RNPEP: variants seen among roughly 807,000 people sequenced by gnomAD.
The protein encoded by RNPEP is aminopeptidase B.
RNPEP carries 57 observed loss-of-function variants against 70.1 expected under a neutral mutation model. That is an observed-to-expected ratio of 0.81 (90% CI 0.66 to 1.01). RNPEP has a LOEUF of 1.01. RNPEP is among the 50% of genes least tolerant of loss of function. RNPEP has a pLI of 0.00. For missense variants in RNPEP, 787 were observed against 852.4 expected (o/e 0.92, Z 0.96); for synonymous variants, 335 against 357.4 (o/e 0.94, Z 0.71).
At chr1:201,993,413 G>A (rs1309076110) in intron 3 of RNPEP, among the ~76,000 whole-genome samples, 2 of 152,036 alleles carry the variant, frequency 1.3e-5, no homozygotes, top group African/African-American at 2.4e-5. Context: ...CCTGGCCAAC[G>A]TGGTGAAACC....
chr1:201,993,867 TCAGTGG>T (rs1421073805), intron 3 of RNPEP, among the ~76,000 whole-genome samples: 1 of 152,128 alleles, frequency 6.6e-6, no homozygotes, highest in Non-Finnish European at 1.5e-5. Context: ...CCAGGTGACT[TCAGTGG>T]CATGTATACG....
At chr1:202,003,140 G>A (rs1683899722) in intron 8 of RNPEP, 97 bp from the exon 9 acceptor site, 1 of 776,714 alleles carries the variant, frequency 1.3e-6, no homozygotes, top group South Asian at 1.8e-5. Context: ...GTTTGGGATG[G>A]AGAGAGGAGA....
chr1:202,002,926 C>T (rs1320633838), intron 8 of RNPEP, among the ~76,000 whole-genome samples: 2 of 152,098 alleles, frequency 1.3e-5, no homozygotes, highest in African/African-American at 4.8e-5. Flanking sequence ...AGCCTGGGTG[C>T]TTAAGTACAG....
intron 10 of RNPEP, among the ~76,000 whole-genome samples, 190 bp from the exon 11 acceptor site, chr1:202,005,368 T>C (rs928526936): frequency 2.0e-5 from 3 of 152,184 alleles, no homozygotes; most frequent in Admixed American, 2.0e-4. Context: ...TCCATCTCCA[T>C]GGATCTCTGG....
chr1:201,996,202 G>A lies in RNPEP; in HGVS notation c.793G>A (p.Gly265Arg), dbSNP rs1683542851. The change falls in exon 4 of 11, where the codon GGG becomes AGG. Residue 265 changes from glycine to arginine, a missense_variant. Physicochemically the swap from Gly to Arg is moderately radical, Grantham distance 125 (BLOSUM62 -2). Coordinates refer to ENST00000295640, the MANE Select transcript of RNPEP (RefSeq NM_020216.4). ...TGATGCTGCCAAGGAGGAGTACAAC[G>A]GGGTGATAGAAGAATTTTTGGCAAC... ...LIDAAKEEYNGVIEEFLATGE... is the reference protein window; with the variant it reads ...LIDAAKEEYNRVIEEFLATGE... 2.5e-6 allele frequency: 4 copies of A among 1,614,044 alleles called. No homozygotes were observed. Among genetic ancestry groups the A allele is most frequent in the Non-Finnish European group, 3.4e-6 (4 of 1,180,026 alleles).
At chr1:201,997,695 G>A in intron 5 of RNPEP, 141 bp downstream of exon 5, 1 of 562,666 alleles carries the variant, frequency 1.8e-6, no homozygotes, top group East Asian at 3.0e-5. Context: ...TTTTCTGTAT[G>A]TATGAATTGT....
intron 1 of RNPEP, among the ~76,000 whole-genome samples, chr1:201,986,429 T>C (rs115412287): frequency 2.0e-5 from 3 of 151,710 alleles, no homozygotes; most frequent in Non-Finnish European, 2.9e-5. Context: ...TGGCCAGGTA[T>C]AGCGTAGGAT....
intron 10 of RNPEP, 132 bp downstream of exon 10, chr1:202,004,628 C>A: frequency 9.3e-7 from 1 of 1,070,948 alleles, no homozygotes; most frequent in Non-Finnish European, 1.3e-6. Context: ...GACCTGAGGA[C>A]CCTACCACTC....
chr1:202,001,619 C>T (rs557916867), intron 7 of RNPEP, 40 bp from the exon 8 acceptor site: 17 of 1,518,272 alleles, frequency 1.1e-5, no homozygotes, highest in East Asian at 2.3e-5. Flanking sequence ...CCACTCCCCA[C>T]GGGGCCAGAG....
At chr1:201,999,499 G>A (rs4364934) in intron 5 of RNPEP, among the ~76,000 whole-genome samples, 18,686 of 152,100 alleles carry the variant, frequency 0.12, 1,291 homozygotes, top group East Asian at 0.17. Flanking sequence ...CCAAGATCAC[G>A]CCATTGCACT....
chr1:201,994,724 T>C (rs1683479943), intron 3 of RNPEP, among the ~76,000 whole-genome samples: 1 of 151,126 alleles, frequency 6.6e-6, no homozygotes, highest in African/African-American at 2.4e-5. Context: ...TGGAGTGCGA[T>C]GGTGCAATCT....
chr1:201,992,941 CCT>C (rs1255147382), intron 3 of RNPEP, among the ~76,000 whole-genome samples: 4 of 152,276 alleles, frequency 2.6e-5, no homozygotes, highest in Admixed American at 6.5e-5. Flanking sequence ...GTTCAACAGT[CCT>C]CTTATTTACC....
At chr1:201,993,236 C>G (rs1292196816) in intron 3 of RNPEP, among the ~76,000 whole-genome samples, 1 of 152,204 alleles carries the variant, frequency 6.6e-6, no homozygotes, top group Non-Finnish European at 1.5e-5. Flanking sequence ...TTACATCTCT[C>G]TCTTCAAATC....
At chr1:201,996,461 T>C in intron 4 of RNPEP, 198 bp downstream of exon 4, 80 of 329,536 alleles carry the variant, frequency 2.4e-4, no homozygotes, top group Middle Eastern at 8.8e-4. Context: ...GGAGATGAGG[T>C]TCTTTGTGTG....
intron 1 of RNPEP, among the ~76,000 whole-genome samples, chr1:201,988,628 G>A (rs561911191): frequency 6.6e-6 from 1 of 152,224 alleles, no homozygotes; most frequent in Non-Finnish European, 1.5e-5. Flanking sequence ...CAAGATCAGA[G>A]GCTCGGTCCA....
At chr1:202,001,233 G>A in intron 6 of RNPEP, 143 bp from the exon 7 acceptor site, 1 of 632,444 alleles carries the variant, frequency 1.6e-6, no homozygotes, top group Non-Finnish European at 2.8e-6. Flanking sequence ...GCCAGGATCT[G>A]GACACCTTCT....
chr1:201,997,603 T>C, intron 5 of RNPEP, 49 bp downstream of exon 5: 1 of 1,449,814 alleles, frequency 6.9e-7, no homozygotes, highest in Non-Finnish European at 9.7e-7. Flanking sequence ...ATTCTTAACC[T>C]GTGGGGCCAG....
intron 4 of RNPEP, 134 bp from the exon 5 acceptor site, chr1:201,997,185 C>G: frequency 1.4e-6 from 1 of 698,156 alleles, no homozygotes; most frequent in South Asian, 1.7e-5. Context: ...ATTTTCCGCA[C>G]TGGGCCCGAA....
At chr1:201,997,678 CCAA>C (rs913024317) in intron 5 of RNPEP, 124 bp downstream of exon 5, 2 of 647,230 alleles carry the variant, frequency 3.1e-6, no homozygotes, top group Non-Finnish European at 2.6e-6. Flanking sequence ...TAGTGTGTAT[CCAA>C]CATTTTTCTG....
Sources: allele counts gnomAD v4.1 joint callset (sites outside exome capture counted in the v4.1 genomes callset), GRCh38; gene constraint gnomAD v4.1.1; transcripts MANE v1.5; gene names NCBI Gene and HGNC (gene_info 2026-07-23, HGNC 2026-07-21).